CPLX4: variants seen among roughly 807,000 people sequenced by gnomAD.
The protein encoded by CPLX4 is complexin 4.
Under a neutral mutation model 16.1 loss-of-function variants are expected in CPLX4, and 17 were observed. The observed-to-expected ratio is 1.06, with a 90% confidence interval of 0.72 to 1.59. The LOEUF (loss-of-function observed/expected upper bound fraction) is 1.59. Among genes scored for constraint, CPLX4 ranks in the 40% most tolerant of loss-of-function variants. CPLX4 has a pLI of 0.00. For synonymous variants in CPLX4, 55 were observed against 57.8 expected (o/e 0.95, Z 0.22); for missense variants, 193 against 192.9 (o/e 1.00, Z 0.00).
intron 2 of CPLX4, among the ~76,000 whole-genome samples, chr18:59,301,476 C>T (rs1003472611): frequency 6.6e-6 from 1 of 152,240 alleles, no homozygotes; most frequent in African/African-American, 2.4e-5. Context: ...AGCATGGCTG[C>T]TTCTGGAGAT....
At chr18:59,312,522 A>C (rs9653090) in intron 2 of CPLX4, among the ~76,000 whole-genome samples, 163 bp downstream of exon 2, 18,780 of 146,404 alleles carry the variant, frequency 0.13, 1,946 homozygotes, top group African/African-American at 0.29. Flanking sequence ...TATCCTGAAT[A>C]TGTATATACA....
At chr18:59,309,498 C>A (rs2070600587) in intron 2 of CPLX4, among the ~76,000 whole-genome samples, 1 of 151,976 alleles carries the variant, frequency 6.6e-6, no homozygotes, top group Admixed American at 6.5e-5. Flanking sequence ...TCAAAACTGC[C>A]CTAAAATTTT....
At position 59,296,683 on chromosome 18, in the gene CPLX4, C is replaced by T. The variant is rs1278378226; in HGVS notation, c.*15G>A. The T allele has an allele frequency of 1.2e-6, 2 of 1,600,310 alleles. No individual in the cohort carries two copies. The highest frequency in any genetic ancestry group is 3.4e-5 in the Admixed American group (2 of 59,446). On this transcript the variant is annotated 3_prime_UTR_variant, in exon 3 of 3. Coordinates refer to ENST00000299721, the MANE Select transcript of CPLX4 (RefSeq NM_181654.4). ...CCAAGGATGGCTGGTTCCCTCCCTC[C>T]ACCCCTCCCACCCCTCACATCACGG... is the stretch of plus-strand genomic sequence containing the variant.
intron 2 of CPLX4, among the ~76,000 whole-genome samples, chr18:59,310,764 AT>A (rs551480147): frequency 9.2e-5 from 14 of 151,582 alleles, no homozygotes; most frequent in Admixed American, 4.6e-4. Flanking sequence ...TGAGGCTCAG[AT>A]TTTTTTTTCT....
rs1476208227 is a variant in CPLX4 at position 59,295,810 on chromosome 18, G to C, written c.*888C>G. 6.6e-6 allele frequency: 1 copy of C among 152,102 alleles called. No homozygotes were observed. The highest frequency in any genetic ancestry group is 2.4e-5 in the African/African-American group (1 of 41,418). 9.4% of individuals were successfully genotyped at this position (152,102 alleles called of 1,614,324 possible). On this transcript the variant is annotated 3_prime_UTR_variant, in exon 3 of 3. Coordinates refer to ENST00000299721, the MANE Select transcript of CPLX4 (RefSeq NM_181654.4). ...GGGACAGGAGAAGAAAAAAAAAAGAGAGATAGGGAGAGAAGGGGATGAAAG... is the reference window on the plus strand; with the variant it reads ...GGGACAGGAGAAGAAAAAAAAAAGACAGATAGGGAGAGAAGGGGATGAAAG...
chr18:59,309,600 G>T (rs2144188124), intron 2 of CPLX4, among the ~76,000 whole-genome samples: 1 of 152,174 alleles, frequency 6.6e-6, no homozygotes, highest in East Asian at 1.9e-4. Context: ...GAGGTGGGCG[G>T]ATCACAAGGT....
Position 59,298,513 on chromosome 18 carries a change from T to A in CPLX4, c.256-1588A>T, listed in dbSNP as rs369578106. ...AATATGTTGTGACCAGCCTTAAATT[T>A]GTTACCAAAGCTCATGAAAAATCAT... On this transcript the variant is annotated intron_variant, in intron 2 of 2. Transcript: ENST00000299721. Among the ~76,000 whole-genome samples, 198 of 152,260 alleles carry A rather than the reference T, an allele frequency of 1.3e-3. 10 individuals are homozygous for A. In the South Asian group the frequency reaches 0.04, roughly 31 times the overall value.
rs781649955 is a variant in CPLX4 at position 59,296,679 on chromosome 18, C to G, written c.*19G>C. 1 of 1,603,070 alleles carries G rather than the reference C, an allele frequency of 6.2e-7. No individual in the cohort carries two copies. ...TTTTCCAAGGATGGCTGGTTCCCTC[C>G]CTCCACCCCTCCCACCCCTCACATC... On this transcript the variant is annotated 3_prime_UTR_variant, in exon 3 of 3. Transcript: ENST00000299721.
intron 2 of CPLX4, among the ~76,000 whole-genome samples, chr18:59,311,268 A>G (rs1283773308): frequency 2.0e-5 from 3 of 152,162 alleles, no homozygotes; most frequent in Non-Finnish European, 4.4e-5. Flanking sequence ...GGGGTAGGAA[A>G]AGCAAGGCAT....
At position 59,296,815 on chromosome 18, in the gene CPLX4, A is replaced by G; in HGVS notation, c.366T>C (p.Ser122=). 6.2e-7 allele frequency: 1 copy of G among 1,613,922 alleles called. No individual in the cohort carries two copies. The highest frequency in any genetic ancestry group is 8.5e-7 in the Non-Finnish European group (1 of 1,180,004). ...GGAGATTCTGTATCTGCCCAAGAAT[A>G]GAATCTTTATCTTCTTCCTCTTCTT... The part of the protein sequence containing the change: ...EDQEEEEDKD[S]ILGQIQNLQN... The change falls in exon 3 of 3, where the codon TCT becomes TCC. Residue 122 remains serine (S), a synonymous_variant. Transcript: ENST00000299721.
At chr18:59,309,352 A>G (rs1306934956) in intron 2 of CPLX4, among the ~76,000 whole-genome samples, 2 of 152,214 alleles carry the variant, frequency 1.3e-5, no homozygotes, top group African/African-American at 4.8e-5. Flanking sequence ...GGTGTGTACA[A>G]TGTTCTCAAG....
At chr18:59,310,472 C>A (rs1170380423) in intron 2 of CPLX4, among the ~76,000 whole-genome samples, 2 of 152,178 alleles carry the variant, frequency 1.3e-5, no homozygotes. Context: ...TGGAAGTCAG[C>A]AAGACTGCTG....
intron 2 of CPLX4, among the ~76,000 whole-genome samples, chr18:59,301,458 T>G (rs1007829610): frequency 6.6e-6 from 1 of 152,214 alleles, no homozygotes; most frequent in African/African-American, 2.4e-5. Context: ...CTACTGGCCC[T>G]CCACCAGAGC....
At chr18:59,301,691 A>G (rs2070542615) in intron 2 of CPLX4, among the ~76,000 whole-genome samples, 1 of 152,224 alleles carries the variant, frequency 6.6e-6, no homozygotes, top group Non-Finnish European at 1.5e-5. Flanking sequence ...CTAAGTATTC[A>G]AGTATCTCCT....
intron 2 of CPLX4, among the ~76,000 whole-genome samples, chr18:59,300,184 T>A (rs1175566543): frequency 1.3e-5 from 2 of 151,964 alleles, no homozygotes; most frequent in Admixed American, 6.6e-5. Context: ...ATGCAAAAAA[T>A]TAGCAGGGAG....
chr18:59,306,032 C>A (rs1015889250), intron 2 of CPLX4, among the ~76,000 whole-genome samples: 3 of 152,122 alleles, frequency 2.0e-5, no homozygotes, highest in Non-Finnish European at 4.4e-5. Flanking sequence ...GAACCACTTA[C>A]TGTATTTAGA....
chr18:59,304,924 AGTGTGT>A (rs56041280), intron 2 of CPLX4, among the ~76,000 whole-genome samples: 14,488 of 142,050 alleles, frequency 0.1, 1,322 homozygotes, highest in African/African-American at 0.25. Context: ...CTCAACAATC[AGTGTGT>A]GTGTGTGTGT....
chr18:59,318,429 G>T lies in CPLX4; in HGVS notation c.34C>A (p.Gln12Lys), dbSNP rs143459722. Residue 12 changes from glutamine to lysine, a missense_variant, in exon 1 of 3, where the codon CAG becomes AAG. Coordinates refer to ENST00000299721, the MANE Select transcript of CPLX4 (RefSeq NM_181654.4). ...CCACCAAATCCTAAATTCTTTACCT[G>T]GTTACTTATCATACTTTTCATAAGG... Reference protein sequence around the residue: ...AFLMKSMISNQVKNLGFGGGS... With the variant: ...AFLMKSMISNKVKNLGFGGGS... The T allele has an allele frequency of 4.7e-5, 76 of 1,612,698 alleles. No homozygotes were observed. Among genetic ancestry groups the T allele is most frequent in the Non-Finnish European group, 6.2e-5 (73 of 1,179,550 alleles).
At position 59,296,674 on chromosome 18, in the gene CPLX4, C is replaced by A; in HGVS notation, c.*24G>T. On this transcript the variant is annotated 3_prime_UTR_variant, in exon 3 of 3. Coordinates refer to ENST00000299721, the MANE Select transcript of CPLX4 (RefSeq NM_181654.4). ...TGGTCTTTTCCAAGGATGGCTGGTT[C>A]CCTCCCTCCACCCCTCCCACCCCTC... 6.3e-7 allele frequency: 1 copy of A among 1,594,690 alleles called. No individual in the cohort carries two copies. Among genetic ancestry groups the A allele is most frequent in the Non-Finnish European group, 8.6e-7 (1 of 1,164,578 alleles).
Sources: allele counts gnomAD v4.1 joint callset (sites outside exome capture counted in the v4.1 genomes callset), GRCh38; gene constraint gnomAD v4.1.1; transcripts MANE v1.5; gene names NCBI Gene and HGNC (gene_info 2026-07-23, HGNC 2026-07-21).